Variants in SMAP1 observed in about 807,000 individuals in gnomAD.
The protein encoded by SMAP1 is stromal membrane-associated protein 1.
A neutral mutation model predicts 58.5 loss-of-function variants in SMAP1; 24 were observed. The observed-to-expected ratio is 0.41, with a 90% confidence interval of 0.30 to 0.58. SMAP1 has a LOEUF of 0.58. Ranked by LOEUF, SMAP1 falls within the 20% of genes least tolerant of loss-of-function variation. SMAP1 has a pLI of 0.29. For synonymous variants in SMAP1, 216 were observed against 196.6 expected, an observed-to-expected ratio of 1.10 and a Z score of -0.82; for missense variants, 563 against 566.3, an observed-to-expected ratio of 0.99 and a Z score of 0.06.
At chr6:70,715,243 C>T (rs903086384) in intron 1 of SMAP1, among the ~76,000 whole-genome samples, 16 of 151,900 alleles carry the variant, frequency 1.1e-4, no homozygotes, top group African/African-American at 3.9e-4. Flanking sequence ...ACCACAAGCA[C>T]TTGCCAGCAT....
chr6:70,840,008 G>A (rs1770742472), intron 7 of SMAP1, among the ~76,000 whole-genome samples: 1 of 152,098 alleles, frequency 6.6e-6, no homozygotes, highest in South Asian at 2.1e-4. Context: ...CTCCTCCAAT[G>A]GGACCCTGGT....
At chr6:70,812,194 C>T (rs867941409) in intron 6 of SMAP1, among the ~76,000 whole-genome samples, 1 of 152,176 alleles carries the variant, frequency 6.6e-6, no homozygotes. Context: ...AGGTTTTACT[C>T]GGATGCCAGA....
chr6:70,708,282 T>C (rs1270478371), intron 1 of SMAP1, among the ~76,000 whole-genome samples: 1 of 152,200 alleles, frequency 6.6e-6, no homozygotes, highest in Non-Finnish European at 1.5e-5. Flanking sequence ...CCCTGTTGTC[T>C]CAAGTGGTGG....
chr6:70,748,610 T>C (rs1766145033), intron 2 of SMAP1, among the ~76,000 whole-genome samples: 1 of 152,120 alleles, frequency 6.6e-6, no homozygotes, highest in African/African-American at 2.4e-5. Context: ...AAGTCTCCTT[T>C]TTCTGATTCA....
At chr6:70,729,533 T>C (rs996609857) in intron 1 of SMAP1, among the ~76,000 whole-genome samples, 1 of 151,026 alleles carries the variant, frequency 6.6e-6, no homozygotes, top group Non-Finnish European at 1.5e-5. Flanking sequence ...AGTCCTATAT[T>C]CTAAATCGCC....
chr6:70,831,153 T>A (rs1382341611), intron 6 of SMAP1, among the ~76,000 whole-genome samples: 2 of 152,238 alleles, frequency 1.3e-5, no homozygotes, highest in Non-Finnish European at 2.9e-5. Context: ...GATTTTCCCC[T>A]TCAGTCAGAG....
At chr6:70,773,001 T>C (rs1374634025) in intron 3 of SMAP1, 4 of 237,604 alleles carry the variant, frequency 1.7e-5, no homozygotes, top group African/African-American at 4.7e-5. Flanking sequence ...TGCATAGATG[T>C]TAATTTCTTA....
At chr6:70,735,796 T>A (rs1765596137) in intron 2 of SMAP1, among the ~76,000 whole-genome samples, 1 of 152,170 alleles carries the variant, frequency 6.6e-6, no homozygotes, top group Admixed American at 6.6e-5. Context: ...AGGTATTTAT[T>A]TATGGAACTA....
Position 70,808,946 on chromosome 6 carries a change from A to G in SMAP1, c.576+10209A>G, listed in dbSNP as rs1361676014. 9.0e-5 allele frequency among the ~76,000 whole-genome samples: 13 copies of G among 144,238 alleles called. No individual in the cohort carries two copies. The South Asian group carries it at 2.7e-3, about 30-fold the overall frequency. 94.6% of individuals were successfully genotyped at this position (144,238 alleles called of 152,430 possible). A position where few individuals can be genotyped will look rare whatever the true frequency, so the allele number is the denominator to read the frequency against. On this transcript the variant is annotated intron_variant, in intron 6 of 10. Transcript: ENST00000370455. Reference sequence around the variant, plus strand: ...TGTGTGTGTGTGTGTGTGTGTACACACTTACTGGTTTCTTGCATATATGCC... The same window carrying G: ...TGTGTGTGTGTGTGTGTGTGTACACGCTTACTGGTTTCTTGCATATATGCC...
intron 6 of SMAP1, among the ~76,000 whole-genome samples, chr6:70,826,934 C>CAAAAAAAAAAAA (rs61069311): frequency 9.0e-4 from 69 of 76,512 alleles, no homozygotes; most frequent in Non-Finnish European, 1.3e-3. Context: ...AACCGTGTCT[C>CAAAAAAAAAAAA]AAAAAAAAAA....
chr6:70,793,387 AT>A (rs1283341863), intron 5 of SMAP1, among the ~76,000 whole-genome samples: 3 of 152,050 alleles, frequency 2.0e-5, no homozygotes, highest in Admixed American at 6.6e-5. Context: ...GGGTTTAGTA[AT>A]TGGTGTCTTG....
intron 1 of SMAP1, among the ~76,000 whole-genome samples, chr6:70,710,423 C>G (rs750539571): frequency 4.4e-5 from 6 of 136,758 alleles, no homozygotes; most frequent in Non-Finnish European, 7.6e-5. Flanking sequence ...CCCGAGATTG[C>G]GTAGGTTGCA....
At chr6:70,788,697 C>G (rs568066311) in intron 4 of SMAP1, among the ~76,000 whole-genome samples, 2 of 152,190 alleles carry the variant, frequency 1.3e-5, no homozygotes, top group East Asian at 1.9e-4. Context: ...CAGAAGGAGT[C>G]ATATATGGCT....
intron 5 of SMAP1, among the ~76,000 whole-genome samples, chr6:70,793,681 A>G (rs938355342): frequency 3.3e-5 from 5 of 151,382 alleles, no homozygotes; most frequent in African/African-American, 1.2e-4. Context: ...AGAAAGCTTA[A>G]AAATTTTGGA....
chr6:70,771,200 G>T (rs890611856), intron 3 of SMAP1, among the ~76,000 whole-genome samples: 1 of 152,194 alleles, frequency 6.6e-6, no homozygotes, highest in Non-Finnish European at 1.5e-5. Context: ...GAGGTCAGGG[G>T]TCAGGGACCC....
chr6:70,670,616 A>T (rs933830517), intron 1 of SMAP1, among the ~76,000 whole-genome samples: 30 of 152,320 alleles, frequency 2.0e-4, no homozygotes, highest in African/African-American at 7.0e-4. Context: ...AGTTACTAAG[A>T]AGTTTCATTC....
At chr6:70,788,557 T>G (rs938020015) in intron 4 of SMAP1, among the ~76,000 whole-genome samples, 3 of 152,138 alleles carry the variant, frequency 2.0e-5, no homozygotes, top group African/African-American at 7.2e-5. Flanking sequence ...TTTGAATATT[T>G]CCCAGAGGAA....
intron 7 of SMAP1, among the ~76,000 whole-genome samples, chr6:70,840,990 A>T (rs940103503): frequency 6.6e-6 from 1 of 152,218 alleles, no homozygotes; most frequent in African/African-American, 2.4e-5. Flanking sequence ...ACTGTGAATT[A>T]TACTGTTAGG....
chr6:70,684,662 G>T (rs1322941100), intron 1 of SMAP1, among the ~76,000 whole-genome samples: 1 of 151,754 alleles, frequency 6.6e-6, no homozygotes, highest in Admixed American at 6.6e-5. Context: ...GTTCCTTAAA[G>T]AACTTTCTAA....
Sources: allele counts gnomAD v4.1 joint callset (sites outside exome capture counted in the v4.1 genomes callset), GRCh38; gene constraint gnomAD v4.1.1; transcripts MANE v1.5; gene names NCBI Gene and HGNC (gene_info 2026-07-23, HGNC 2026-07-21).